The following FGGY variants were observed in gnomAD, a reference collection of about 807,000 sequenced individuals.
FGGY encodes FGGY carbohydrate kinase domain containing.
A neutral mutation model predicts 71.3 loss-of-function variants in FGGY; 72 were observed. The ratio of observed to expected loss-of-function variants is 1.01; its 90% CI spans 0.84 to 1.23. FGGY has a LOEUF of 1.23. FGGY is among the 50% of genes most tolerant of loss of function. The pLI is 0.00. For missense variants in FGGY, 668 were observed against 682.3 expected (o/e 0.98, Z 0.23); for synonymous variants, 251 against 250.3 (o/e 1.00, Z -0.02).
intron 7 of FGGY, among the ~76,000 whole-genome samples, chr1:59,536,261 T>C (rs1466009338): frequency 3.9e-5 from 6 of 152,004 alleles, no homozygotes; most frequent in South Asian, 2.1e-4. Flanking sequence ...CACATACACT[T>C]TCCCAAGACT....
chr1:59,336,605 A>ACATG (rs1321606177), intron 2 of FGGY, among the ~76,000 whole-genome samples: 1 of 151,462 alleles, frequency 6.6e-6, no homozygotes, highest in Non-Finnish European at 1.5e-5. Flanking sequence ...TTTAAGCCCC[A>ACATG]CATGCATTAG....
At chr1:59,630,979 T>G (rs543600359) in intron 10 of FGGY, among the ~76,000 whole-genome samples, 2 of 152,352 alleles carry the variant, frequency 1.3e-5, no homozygotes, top group South Asian at 4.1e-4. Context: ...CAGTTTGAAT[T>G]CTGTCACCAT....
chr1:59,428,501 T>C (rs902077390), intron 5 of FGGY, among the ~76,000 whole-genome samples: 3 of 152,226 alleles, frequency 2.0e-5, no homozygotes, highest in Non-Finnish European at 4.4e-5. Context: ...TGCCTATCAG[T>C]ACACAGAAAT....
At chr1:59,602,152 T>G (rs1301886144) in intron 8 of FGGY, among the ~76,000 whole-genome samples, 1 of 152,180 alleles carries the variant, frequency 6.6e-6, no homozygotes, top group African/African-American at 2.4e-5. Flanking sequence ...AATCAATTGA[T>G]TTTATAGCTA....
At chr1:59,553,616 A>G (rs1485222946) in intron 7 of FGGY, among the ~76,000 whole-genome samples, 1 of 152,216 alleles carries the variant, frequency 6.6e-6, no homozygotes, top group Non-Finnish European at 1.5e-5. Flanking sequence ...TCATCAGACC[A>G]TCCTTTGCTT....
intron 6 of FGGY, among the ~76,000 whole-genome samples, chr1:59,493,742 G>A (rs1009110858): frequency 1.3e-5 from 2 of 152,114 alleles, no homozygotes; most frequent in African/African-American, 4.8e-5. Context: ...ATGTGTGAAT[G>A]TACTTAATAC....
intron 5 of FGGY, among the ~76,000 whole-genome samples, chr1:59,425,620 G>A (rs547150895): frequency 6.6e-6 from 1 of 152,164 alleles, no homozygotes; most frequent in South Asian, 2.1e-4. Context: ...ATAGACATTG[G>A]AGTTAAAGCT....
intron 5 of FGGY, among the ~76,000 whole-genome samples, chr1:59,401,259 C>T (rs894397821): frequency 2.0e-5 from 3 of 152,130 alleles, no homozygotes; most frequent in Non-Finnish European, 2.9e-5. Flanking sequence ...GATGCATCTT[C>T]AATGTATAAA....
intron 2 of FGGY, 101 bp from the exon 3 acceptor site, chr1:59,339,857 A>AC: frequency 1.5e-6 from 1 of 671,070 alleles, no homozygotes; most frequent in Non-Finnish European, 2.5e-6. Context: ...TGTTGTAAAG[A>AC]TTTTTTTCTA....
At chr1:59,494,047 G>A (rs1009078260) in intron 6 of FGGY, among the ~76,000 whole-genome samples, 3 of 152,014 alleles carry the variant, frequency 2.0e-5, no homozygotes, top group Non-Finnish European at 2.9e-5. Context: ...AGGAAGGCAG[G>A]GTTTGTATCT....
At chr1:59,321,783 A>G (rs773076423) in intron 2 of FGGY, 33 bp downstream of exon 2, 18 of 1,585,650 alleles carry the variant, frequency 1.1e-5, no homozygotes, top group Non-Finnish European at 1.5e-5. Flanking sequence ...CTCCTTGTTC[A>G]TATTCCTACC....
intron 7 of FGGY, among the ~76,000 whole-genome samples, chr1:59,513,737 T>C (rs1255491414): frequency 1.3e-5 from 2 of 152,342 alleles, no homozygotes; most frequent in East Asian, 3.9e-4. Flanking sequence ...TAGCTGCTTA[T>C]TAAGTTTATT....
chr1:59,321,220 A>T (rs760549695), intron 1 of FGGY, among the ~76,000 whole-genome samples: 1 of 152,172 alleles, frequency 6.6e-6, no homozygotes, highest in Non-Finnish European at 1.5e-5. Context: ...TCCAGATTCT[A>T]AGTTCTCCTA....
intron 5 of FGGY, among the ~76,000 whole-genome samples, chr1:59,390,010 ATTGTT>A (rs1186312724): frequency 6.6e-6 from 1 of 152,122 alleles, no homozygotes; most frequent in Non-Finnish European, 1.5e-5. Flanking sequence ...CTTGATTTGC[ATTGTT>A]TTATGGTTGT....
In FGGY at chr1:59,667,283, T is replaced by C. The variant is rs541548055; in HGVS notation, c.1297T>C (p.Leu433=). The C allele has an allele frequency of 1.9e-6, 3 of 1,614,146 alleles. No individual in the cohort carries two copies. Among genetic ancestry groups the C allele is most frequent in the East Asian group, 2.2e-5 (1 of 44,878 alleles). The change falls in exon 13 of 16, where the codon TTG becomes CTG. Residue 433 remains leucine, a splice_region_variant and synonymous_variant. Transcript: ENST00000303721. The part of the protein sequence containing the change: ...LYLATVQAIA[L]GTRFIIEAME... ...GCTATCTTCTGCTTTTCCTTTCAAG[T>C]TGGGGACTCGCTTCATTATAGAAGC...
chr1:59,331,850 T>C (rs2048550431), intron 2 of FGGY: 1 of 152,278 alleles, frequency 6.6e-6, no homozygotes, highest in Non-Finnish European at 1.5e-5. Flanking sequence ...CAGGTAGTGA[T>C]GGAGCCTGAG....
chr1:59,378,797 C>T lies in FGGY; in HGVS notation c.514C>T (p.Pro172Ser). 1 of 1,613,436 alleles carries T rather than the reference C, an allele frequency of 6.2e-7. No homozygotes were observed. Among genetic ancestry groups the T allele is most frequent in the Non-Finnish European group, 8.5e-7 (1 of 1,179,650 alleles). ...TAAGGCGGGACATTTCTTTGATCTC[C>T]CGGACTTCTTATCGTGGAAGGCAAC... The part of the protein sequence containing the change: ...WDKAGHFFDL[P>S]DFLSWKATGV... The change falls in exon 5 of 16, where the codon CCG (proline) becomes TCG (serine). Residue 172 changes from proline to serine, a missense_variant. Pro to Ser is a moderately conservative substitution (Grantham distance 74, BLOSUM62 -1). Around this residue, in one of 2 missense-constraint regions of FGGY, gnomAD observed 661 missense variants for 661.6 expected, o/e 1.00. Coordinates refer to ENST00000303721, the MANE Select transcript of FGGY (RefSeq NM_018291.5).
chr1:59,683,863 A>G (rs1401080590), intron 14 of FGGY, among the ~76,000 whole-genome samples: 2 of 152,238 alleles, frequency 1.3e-5, no homozygotes, highest in East Asian at 3.8e-4. Context: ...AGGGGAAGCC[A>G]AATTAATCAC....
intron 5 of FGGY, among the ~76,000 whole-genome samples, chr1:59,420,928 G>A (rs2065297261): frequency 6.6e-6 from 1 of 151,422 alleles, no homozygotes; most frequent in Non-Finnish European, 1.5e-5. Flanking sequence ...GCCAACTGCT[G>A]TTTTAGGACA....
Sources: gnomAD v4.1 joint callset for allele counts (sites outside exome capture counted in the v4.1 genomes callset) on GRCh38, gnomAD v4.1.1 for gene constraint, gnomAD v4.1.1 regional missense constraint, MANE v1.5 for transcripts, NCBI Gene and HGNC (gene_info 2026-07-23, HGNC 2026-07-21) for gene names.